APBB2: variants seen among roughly 807,000 people sequenced by gnomAD.
APBB2 encodes the protein Fe65-like 1.
APBB2 carries 38 observed loss-of-function variants against 82.5 expected under a neutral mutation model. That is an observed-to-expected ratio of 0.46 (90% CI 0.36 to 0.60). APBB2 has a LOEUF of 0.60. Ranked by LOEUF, APBB2 falls within the 20% of genes least tolerant of loss-of-function variation. The pLI is 0.00. For missense variants in APBB2, 772 were observed against 972.3 expected, an observed-to-expected ratio of 0.79 and a Z score of 2.74; for synonymous variants, 341 against 368.2, an observed-to-expected ratio of 0.93 and a Z score of 0.85.
At chr4:40,896,354 C>T (rs1040995679) in intron 10 of APBB2, among the ~76,000 whole-genome samples, 3 of 152,232 alleles carry the variant, frequency 2.0e-5, no homozygotes, top group African/African-American at 7.2e-5. Flanking sequence ...TAAGCCACCG[C>T]ACCCAGAACT....
intron 6 of APBB2, among the ~76,000 whole-genome samples, chr4:40,970,942 C>A (rs564524460): frequency 9.8e-5 from 15 of 152,298 alleles, no homozygotes; most frequent in African/African-American, 3.6e-4. Flanking sequence ...GCCCCTATGT[C>A]TTCTAAGAAT....
chr4:41,048,810 T>C (rs1018004991), intron 4 of APBB2, among the ~76,000 whole-genome samples: 2 of 152,032 alleles, frequency 1.3e-5, no homozygotes, highest in Non-Finnish European at 2.9e-5. Flanking sequence ...GTGCCTGCGA[T>C]TGCAGGCGCG....
At chr4:40,949,843 T>C (rs1407213680) in intron 6 of APBB2, among the ~76,000 whole-genome samples, 2 of 152,176 alleles carry the variant, frequency 1.3e-5, no homozygotes, top group Non-Finnish European at 2.9e-5. Context: ...GCTTAGAGCT[T>C]TGAAATCACA....
chr4:40,869,472 C>T (rs993936978), intron 12 of APBB2, among the ~76,000 whole-genome samples: 13 of 151,724 alleles, frequency 8.6e-5, no homozygotes, highest in Admixed American at 5.3e-4. Context: ...CCTGTAATCC[C>T]AGCTACTCTG....
At chr4:41,074,688 C>T (rs1246874212) in intron 3 of APBB2, among the ~76,000 whole-genome samples, 2 of 150,954 alleles carry the variant, frequency 1.3e-5, no homozygotes, top group Non-Finnish European at 2.9e-5. Flanking sequence ...CGGCTCACTG[C>T]CAGCTCCGCC....
At chr4:40,993,982 C>T (rs1802890428) in intron 6 of APBB2, among the ~76,000 whole-genome samples, 1 of 151,992 alleles carries the variant, frequency 6.6e-6, no homozygotes, top group East Asian at 1.9e-4. Context: ...GCCCAGGTAT[C>T]TACATTTAAA....
At chr4:40,817,487 T>A (rs987914181) in intron 17 of APBB2, among the ~76,000 whole-genome samples, 2 of 152,082 alleles carry the variant, frequency 1.3e-5, no homozygotes, top group Admixed American at 6.6e-5. Flanking sequence ...ATATGAGGAT[T>A]TTTTTTCAAC....
chr4:41,054,345 A>C (rs892900796), intron 4 of APBB2, among the ~76,000 whole-genome samples: 2 of 152,212 alleles, frequency 1.3e-5, no homozygotes, highest in African/African-American at 4.8e-5. Context: ...ACAGGGCCAC[A>C]CTTGCTACAA....
At chr4:40,924,496 G>A (rs1227833039) in intron 10 of APBB2, among the ~76,000 whole-genome samples, 1 of 152,180 alleles carries the variant, frequency 6.6e-6, no homozygotes, top group Non-Finnish European at 1.5e-5. Flanking sequence ...TTGCCAAGAA[G>A]AGCCTTTCCT....
intron 7 of APBB2, among the ~76,000 whole-genome samples, chr4:40,941,598 C>T (rs182614246): frequency 1.2e-4 from 19 of 152,256 alleles, no homozygotes; most frequent in Non-Finnish European, 2.6e-4. Flanking sequence ...AACTATAGTA[C>T]CAGATACATA....
At chr4:40,962,544 T>C (rs1793565462) in intron 6 of APBB2, among the ~76,000 whole-genome samples, 2 of 152,214 alleles carry the variant, frequency 1.3e-5, no homozygotes. Context: ...TTCTTTTTAC[T>C]GTAATCAACC....
At chr4:40,881,362 A>G (rs557247490) in intron 12 of APBB2, 2 of 985,110 alleles carry the variant, frequency 2.0e-6, no homozygotes, top group Admixed American at 6.2e-5. Flanking sequence ...ATCCCCTACT[A>G]GATGTCATCA....
intron 2 of APBB2, among the ~76,000 whole-genome samples, chr4:41,111,608 A>G (rs187900886): frequency 6.6e-6 from 1 of 152,360 alleles, no homozygotes; most frequent in Admixed American, 6.5e-5. Flanking sequence ...CATGTATTGT[A>G]TAATGACTCT....
chr4:41,059,428 G>T (rs112506564), intron 4 of APBB2, among the ~76,000 whole-genome samples: 21,032 of 152,300 alleles, frequency 0.14, 1,776 homozygotes, highest in East Asian at 0.29. Flanking sequence ...CCATAAACTG[G>T]CCCCAAGACT....
chr4:41,141,720 A>G (rs1759265947), intron 2 of APBB2, among the ~76,000 whole-genome samples: 1 of 152,224 alleles, frequency 6.6e-6, no homozygotes, highest in Admixed American at 6.5e-5. Flanking sequence ...GGTGGAAGGC[A>G]AGGAGGAGCT....
chr4:41,006,958 T>C (rs1016962399), intron 6 of APBB2, among the ~76,000 whole-genome samples: 3 of 152,198 alleles, frequency 2.0e-5, no homozygotes, highest in African/African-American at 7.2e-5. Flanking sequence ...TTGACATAAT[T>C]AGGTTTGTGA....
chr4:41,130,251 A>T (rs1755597340), intron 2 of APBB2, among the ~76,000 whole-genome samples: 2 of 152,196 alleles, frequency 1.3e-5, no homozygotes, highest in African/African-American at 2.4e-5. Context: ...GTTATCTAGG[A>T]ATGAGGAGAA....
intron 12 of APBB2, among the ~76,000 whole-genome samples, chr4:40,887,646 CAG>C: frequency 6.6e-6 from 1 of 152,282 alleles, no homozygotes; most frequent in Non-Finnish European, 1.5e-5. Flanking sequence ...TGGGGAGAAA[CAG>C]AACCTTTCAC....
intron 12 of APBB2, among the ~76,000 whole-genome samples, chr4:40,846,741 G>C (rs750274715): frequency 6.6e-6 from 1 of 152,120 alleles, no homozygotes; most frequent in Non-Finnish European, 1.5e-5. Flanking sequence ...GAAATTCAAG[G>C]CACATTATTC....
Sources: allele counts gnomAD v4.1 joint callset (sites outside exome capture counted in the v4.1 genomes callset), GRCh38; gene constraint gnomAD v4.1.1; transcripts MANE v1.5; gene names NCBI Gene and HGNC (gene_info 2026-07-23, HGNC 2026-07-21).